The following RHBDD1 variants were observed in gnomAD, a reference collection of about 807,000 sequenced individuals.
RHBDD1 encodes the protein rhomboid domain containing 1, also known as rhomboid-related protein 4.
In RHBDD1, 38 loss-of-function variants were observed where a neutral mutation model predicts 36.3. That is an observed-to-expected ratio of 1.05 (90% CI 0.81 to 1.37). The LOEUF (loss-of-function observed/expected upper bound fraction) is 1.37. Ranked by LOEUF, RHBDD1 falls within the 40% of genes most tolerant of loss-of-function variation. The pLI, the probability that RHBDD1 is intolerant of heterozygous loss-of-function variation, is 0.00. For synonymous variants in RHBDD1, 151 were observed against 136.5 expected, an observed-to-expected ratio of 1.11 and a Z score of -0.74; for missense variants, 393 against 377.6, an observed-to-expected ratio of 1.04 and a Z score of -0.34.
chr2:226,862,933 A>G (rs1943988384), intron 3 of RHBDD1, among the ~76,000 whole-genome samples: 1 of 152,194 alleles, frequency 6.6e-6, no homozygotes, highest in Admixed American at 6.5e-5. Context: ...GGCAGGAACT[A>G]ATAAGAGTGA....
At chr2:226,801,197 G>T in the RHBDD1 span, among the ~76,000 whole-genome samples, 2 of 152,186 alleles carry the variant, frequency 1.3e-5, no homozygotes, top group African/African-American at 4.8e-5. Flanking sequence ...ATGCTCAGTG[G>T]CTGGGACCCG....
intron 5 of RHBDD1, among the ~76,000 whole-genome samples, chr2:226,890,999 C>T (rs1261895894): frequency 6.6e-6 from 1 of 152,088 alleles, no homozygotes. Context: ...CACTAACCAC[C>T]CACCCCCAAC....
intron 8 of RHBDD1, among the ~76,000 whole-genome samples, chr2:226,943,123 T>A (rs1013034737): frequency 6.6e-6 from 1 of 152,206 alleles, no homozygotes; most frequent in East Asian, 1.9e-4. Flanking sequence ...CTCATGGCAG[T>A]TCTCCAGTGA....
Position 226,995,825 on chromosome 2 carries a change from T to C in RHBDD1, c.*303T>C. ...CAGCGATGCCTCTGCCTCGGTCTGC[T>C]TTTGAAGACTGTGACCTTCACCAGG... is the stretch of plus-strand genomic sequence containing the variant. On this transcript the variant is annotated 3_prime_UTR_variant, in exon 9 of 9. Transcript: ENST00000392062. The C allele has an allele frequency of 2.8e-6, 1 of 354,024 alleles. No individual in the cohort carries two copies. Among genetic ancestry groups the C allele is most frequent in the African/African-American group, 2.1e-5 (1 of 47,678 alleles). The allele number at this position is 354,024 out of a possible 1,614,324, so 21.9% of individuals were successfully genotyped here.
Position 226,914,200 on chromosome 2 carries a change from GCCT to G in RHBDD1, c.713-7_713-5del. 6.2e-7 allele frequency: 1 copy of G among 1,613,020 alleles called. No homozygotes were observed. The highest frequency in any genetic ancestry group is 8.5e-7 in the Non-Finnish European group (1 of 1,179,422). On this transcript the variant is annotated splice_polypyrimidine_tract_variant and splice_region_variant and intron_variant, in intron 7 of 8. Coordinates refer to ENST00000392062, the MANE Select transcript of RHBDD1 (RefSeq NM_001167608.3). The stretch of plus-strand genomic sequence containing the variant: ...CTGTGTTCTAGAACCTTTTCCTTGT[GCCT>G]TTAGGCAGCTCTGGATATCAGGATT...
chr2:226,978,415 G>A (rs769873907), intron 8 of RHBDD1, among the ~76,000 whole-genome samples: 15 of 152,196 alleles, frequency 9.9e-5, no homozygotes, highest in Admixed American at 3.9e-4. Flanking sequence ...GCAAACTGGC[G>A]GAATATGAAG....
At chr2:226,905,780 G>T (rs1948004717) in intron 5 of RHBDD1, among the ~76,000 whole-genome samples, 1 of 152,194 alleles carries the variant, frequency 6.6e-6, no homozygotes, top group South Asian at 2.1e-4. Flanking sequence ...AGTAAGCATG[G>T]TTGTGGCAGT....
intron 8 of RHBDD1, among the ~76,000 whole-genome samples, chr2:226,926,117 C>T (rs976629113): frequency 2.6e-5 from 4 of 151,890 alleles, no homozygotes; most frequent in African/African-American, 9.7e-5. Flanking sequence ...CAATGGCTCA[C>T]GCCTGTAATC....
At chr2:226,819,527 A>G in the RHBDD1 span, among the ~76,000 whole-genome samples, 1 of 152,176 alleles carries the variant, frequency 6.6e-6, no homozygotes, top group Non-Finnish European at 1.5e-5. Flanking sequence ...CATCAATTGT[A>G]ACAAATATAC....
At chr2:226,974,221 C>T (rs1266651015) in intron 8 of RHBDD1, among the ~76,000 whole-genome samples, 1 of 99,302 alleles carries the variant, frequency 1.0e-5, no homozygotes, top group Non-Finnish European at 2.1e-5. Flanking sequence ...TGGGTGTTGC[C>T]CTTTTTTTAT....
chr2:226,863,406 A>C (rs899657234), intron 3 of RHBDD1, among the ~76,000 whole-genome samples: 6 of 152,268 alleles, frequency 3.9e-5, no homozygotes, highest in Admixed American at 3.9e-4. Flanking sequence ...CCTAAACCAC[A>C]GCACTCGCGA....
chr2:226,936,060 A>G (rs6718767), intron 8 of RHBDD1, among the ~76,000 whole-genome samples: 88,791 of 151,892 alleles, frequency 0.58, 26,694 homozygotes, highest in African/African-American at 0.74. Context: ...GTAATTTGGT[A>G]TGTTCTCCCC....
intron 5 of RHBDD1, among the ~76,000 whole-genome samples, chr2:226,888,529 A>G (rs1306133733): frequency 6.6e-6 from 1 of 152,098 alleles, no homozygotes; most frequent in Non-Finnish European, 1.5e-5. Context: ...AAACCTAAGG[A>G]TCAGACTATT....
chr2:226,934,808 T>A lies in RHBDD1; in HGVS notation c.856+20457T>A, dbSNP rs182935262. Among the ~76,000 whole-genome samples, 10 of 152,186 alleles carry A rather than the reference T, an allele frequency of 6.6e-5. No individual in the cohort carries two copies. The East Asian group carries it at 1.9e-3, about 29-fold the overall frequency. ...ACTAGGAACATTAGCTCCTTGCATT[T>A]TTTTTCTCCCCCAACCCCACATCCC... On this transcript the variant is annotated intron_variant, in intron 8 of 8. Transcript: ENST00000392062.
the RHBDD1 span, among the ~76,000 whole-genome samples, chr2:226,807,826 G>C: frequency 6.6e-6 from 1 of 152,160 alleles, no homozygotes; most frequent in African/African-American, 2.4e-5. Context: ...TGGGCTGGGC[G>C]CTGTGACTCA....
intron 3 of RHBDD1, 103 bp from the exon 4 acceptor site, chr2:226,864,495 TAGAATG>T: frequency 1.8e-6 from 1 of 567,054 alleles, no homozygotes. Flanking sequence ...ATATTTCTGT[TAGAATG>T]AGAAGTAGCA....
At chr2:226,888,974 C>T (rs759517679) in intron 5 of RHBDD1, among the ~76,000 whole-genome samples, 6 of 152,128 alleles carry the variant, frequency 3.9e-5, no homozygotes, top group East Asian at 1.9e-4. Flanking sequence ...AGGGTGAAAA[C>T]GTGTCTGGGA....
intron 8 of RHBDD1, among the ~76,000 whole-genome samples, chr2:226,938,550 C>T (rs938376316): frequency 6.6e-6 from 1 of 152,056 alleles, no homozygotes; most frequent in Non-Finnish European, 1.5e-5. Context: ...CATGTACATA[C>T]ACCCTTCCAA....
At chr2:226,912,478 T>G (rs1403816973) in intron 7 of RHBDD1, among the ~76,000 whole-genome samples, 1 of 152,130 alleles carries the variant, frequency 6.6e-6, no homozygotes, top group Non-Finnish European at 1.5e-5. Flanking sequence ...GACACATGGA[T>G]AAACAAAATG....
Sources: allele counts gnomAD v4.1 joint callset (sites outside exome capture counted in the v4.1 genomes callset), GRCh38; gene constraint gnomAD v4.1.1; transcripts MANE v1.5; gene names NCBI Gene and HGNC (gene_info 2026-07-23, HGNC 2026-07-21).